The following BLTP2 variants were observed in gnomAD, a reference collection of about 807,000 sequenced individuals.
BLTP2 encodes the protein bridge-like lipid transfer protein family member 2, also known as U937-associated antigen.
the BLTP2 span, chr17:28,633,540 A>G: frequency 6.2e-7 from 1 of 1,613,238 alleles, no homozygotes; most frequent in Non-Finnish European, 8.5e-7. Context: ...GTATCATGAC[A>G]CCCCTCACCT....
chr17:28,633,909 T>C, the BLTP2 span: 1 of 1,614,010 alleles, frequency 6.2e-7, no homozygotes, highest in Non-Finnish European at 8.5e-7. Flanking sequence ...AAAGTCATGG[T>C]AGAATTTGAG....
At chr17:28,629,503 A>T in the BLTP2 span, among the ~76,000 whole-genome samples, 1 of 151,854 alleles carries the variant, frequency 6.6e-6, no homozygotes, top group Non-Finnish European at 1.5e-5. Flanking sequence ...TTGGAAACAG[A>T]GTCTCACTCT....
the BLTP2 span, chr17:28,638,188 G>A: frequency 5.4e-5 from 86 of 1,598,086 alleles, no homozygotes; most frequent in East Asian, 1.5e-3. Flanking sequence ...GATGCTCAGC[G>A]CTCTGACGCA....
At chr17:28,636,279 C>T in the BLTP2 span, among the ~76,000 whole-genome samples, 8 of 152,166 alleles carry the variant, frequency 5.3e-5, no homozygotes, top group African/African-American at 1.7e-4. Context: ...GAGGAACTAA[C>T]GCCCCACCCT....
chr17:28,642,686 T>C, the BLTP2 span, among the ~76,000 whole-genome samples: 2 of 152,162 alleles, frequency 1.3e-5, no homozygotes, highest in African/African-American at 2.4e-5. Context: ...ACTTGGTCCC[T>C]TTCCTCACCA....
chr17:28,615,627 C>A, the BLTP2 span: 28 of 1,597,136 alleles, frequency 1.8e-5, no homozygotes, highest in Admixed American at 4.8e-4. Flanking sequence ...GCCTGCCAGC[C>A]CCATTAGCCA....
At chr17:28,621,546 T>C in the BLTP2 span, 1 of 1,403,450 alleles carries the variant, frequency 7.1e-7, no homozygotes, top group Non-Finnish European at 1.0e-6. Flanking sequence ...AAAGAGTGGC[T>C]TGTCCTGGAC....
the BLTP2 span, chr17:28,635,852 A>C: frequency 2.3e-6 from 1 of 437,124 alleles, no homozygotes; most frequent in South Asian, 3.4e-5. Flanking sequence ...ACTGGATTCT[A>C]AATTGTCTGA....
the BLTP2 span, among the ~76,000 whole-genome samples, chr17:28,625,736 A>T: frequency 6.6e-6 from 1 of 151,848 alleles, no homozygotes; most frequent in Non-Finnish European, 1.5e-5. Flanking sequence ...CTCCATTCCC[A>T]CTGCCTCTAC....
chr17:28,639,662 A>G, the BLTP2 span: 2 of 1,610,304 alleles, frequency 1.2e-6, no homozygotes, highest in African/African-American at 1.3e-5. Context: ...GCCAGAGGAC[A>G]GATCAGAGGA....
the BLTP2 span, chr17:28,641,833 T>A: frequency 6.6e-7 from 1 of 1,510,394 alleles, no homozygotes; most frequent in Non-Finnish European, 9.0e-7. Flanking sequence ...TTTTTCTACT[T>A]CCAAAACAAA....
the BLTP2 span, chr17:28,616,312 C>A: frequency 1.2e-6 from 2 of 1,611,362 alleles, no homozygotes; most frequent in Non-Finnish European, 1.7e-6. This position sits in a 1 kb window ranked among gnomAD's most constrained non-coding sequence, Gnocchi z 4.8. Flanking sequence ...CCGAAGAAAT[C>A]CCAAGCCACA....
the BLTP2 span, chr17:28,638,706 G>C: frequency 2.1e-6 from 2 of 934,648 alleles, no homozygotes; most frequent in Non-Finnish European, 3.3e-6. Flanking sequence ...TCATGGAACA[G>C]TTTCTGAAGC....
At chr17:28,625,605 G>A in the BLTP2 span, among the ~76,000 whole-genome samples, 1 of 152,122 alleles carries the variant, frequency 6.6e-6, no homozygotes, top group Non-Finnish European at 1.5e-5. Context: ...TGATATTACT[G>A]TTACCATCAT....
the BLTP2 span, among the ~76,000 whole-genome samples, chr17:28,636,466 G>A: frequency 1.3e-5 from 2 of 152,114 alleles, no homozygotes; most frequent in Non-Finnish European, 1.5e-5. Flanking sequence ...TTTCAGAGAT[G>A]CATAGTGAAA....
At chr17:28,633,173 A>G in the BLTP2 span, 1 of 1,583,652 alleles carries the variant, frequency 6.3e-7, no homozygotes, top group Non-Finnish European at 8.6e-7. Context: ...CTGCCTCACA[A>G]TGGAACCCCA....
chr17:28,615,807 G>A, the BLTP2 span: 3 of 1,612,710 alleles, frequency 1.9e-6, no homozygotes, highest in African/African-American at 4.0e-5. Context: ...CCCTGTAAGA[G>A]GAGGGGGAGG....
the BLTP2 span, chr17:28,634,107 C>G: frequency 6.2e-7 from 1 of 1,607,924 alleles, no homozygotes; most frequent in Non-Finnish European, 8.5e-7. Flanking sequence ...AGGAAGGGTA[C>G]ACACTGGCTA....
chr17:28,620,737 A>G, the BLTP2 span: 1 of 1,296,932 alleles, frequency 7.7e-7, no homozygotes, highest in Non-Finnish European at 1.1e-6. Context: ...CCCCACAGAA[A>G]GGGTGAGAGT....
Sources: gnomAD v4.1 joint callset for allele counts (sites outside exome capture counted in the v4.1 genomes callset) on GRCh38, gnomAD v4.1.1 for gene constraint, Gnocchi (gnomAD v3.1) non-coding constraint, MANE v1.5 for transcripts, NCBI Gene and HGNC (gene_info 2026-07-23, HGNC 2026-07-21) for gene names.